The following TMBIM4 variants were observed in gnomAD, a reference collection of about 807,000 sequenced individuals.
TMBIM4 encodes the protein transmembrane BAX inhibitor motif containing 4.
Under a neutral mutation model 27.7 loss-of-function variants are expected in TMBIM4, and 28 were observed. That is an observed-to-expected ratio of 1.01 (90% CI 0.75 to 1.38). TMBIM4 has a LOEUF of 1.38. Ranked by LOEUF, TMBIM4 falls within the 40% of genes most tolerant of loss-of-function variation. The pLI is 0.00. For synonymous variants in TMBIM4, 115 were observed against 113.1 expected, an observed-to-expected ratio of 1.02 and a Z score of -0.11; for missense variants, 265 against 277.5, an observed-to-expected ratio of 0.95 and a Z score of 0.32.
intron 5 of TMBIM4, among the ~76,000 whole-genome samples, chr12:66,139,988 G>T (rs771075098): frequency 6.6e-6 from 1 of 152,054 alleles, no homozygotes; most frequent in Non-Finnish European, 1.5e-5. Flanking sequence ...AGCCTCAAAA[G>T]GTTTACTTTC....
intron 5 of TMBIM4, among the ~76,000 whole-genome samples, chr12:66,142,497 A>C (rs1315543929): frequency 6.6e-6 from 1 of 151,524 alleles, no homozygotes; most frequent in African/African-American, 2.4e-5. Context: ...TACAGTAATA[A>C]CAGTAGTATC....
chr12:66,154,649 G>A (rs1592546779), intron 1 of TMBIM4, among the ~76,000 whole-genome samples: 1 of 152,118 alleles, frequency 6.6e-6, no homozygotes, highest in East Asian at 1.9e-4. Flanking sequence ...TGCCTATCAT[G>A]GCAATGCTCA....
chr12:66,160,477 G>A (rs886657853), intron 1 of TMBIM4, among the ~76,000 whole-genome samples: 1 of 152,170 alleles, frequency 6.6e-6, no homozygotes, highest in Non-Finnish European at 1.5e-5. Flanking sequence ...AGTGGGGATG[G>A]TTAAATAAAT....
chr12:66,149,479 T>G (rs562341992), intron 3 of TMBIM4, among the ~76,000 whole-genome samples: 1 of 150,696 alleles, frequency 6.6e-6, no homozygotes, highest in East Asian at 2.0e-4. Context: ...GAAAGAAATT[T>G]TTTTGGGGGG....
At position 66,152,261 on chromosome 12, in the gene TMBIM4, G is replaced by A. The variant is rs1261631765; in HGVS notation, c.312+10C>T. 1 of 1,515,606 alleles carries A rather than the reference G, an allele frequency of 6.6e-7. No homozygotes were observed. The highest frequency in any genetic ancestry group is 9.0e-7 in the Non-Finnish European group (1 of 1,106,836). 93.9% of individuals were successfully genotyped at this position (1,515,606 alleles called of 1,614,324 possible). On this transcript the variant is annotated intron_variant, in intron 3 of 6. Transcript: ENST00000358230. ...ATTGTTAAGGGAATAGAGAAAGTCA[G>A]AGTACTCACAAATCCAAAAAGTAGG...
intron 3 of TMBIM4, among the ~76,000 whole-genome samples, chr12:66,149,447 AAAAAAAAAAAAAAAAAAG>A (rs921680492): frequency 5.4e-5 from 8 of 149,326 alleles, no homozygotes; most frequent in African/African-American, 2.0e-4. Flanking sequence ...CCTGTCTCAA[AAAAAAAAAAAAAAAAAAG>A]AAAGAAAGAA....
Position 66,152,251 on chromosome 12 carries a change from G to T in TMBIM4, c.312+20C>A. On this transcript the variant is annotated intron_variant, in intron 3 of 6. Transcript: ENST00000358230. ...CTCAGGAATAATTGTTAAGGGAATA[G>T]AGAAAGTCAGAGTACTCACAAATCC... The T allele has an allele frequency of 6.9e-7, 1 of 1,444,540 alleles. No individual in the cohort carries two copies. The allele number at this position is 1,444,540 out of a possible 1,614,324, so 89.5% of individuals were successfully genotyped here.
At chr12:66,169,778 G>T in intron 1 of TMBIM4, 77 bp downstream of exon 1, 1 of 1,176,934 alleles carries the variant, frequency 8.5e-7, no homozygotes, top group South Asian at 1.7e-5. Flanking sequence ...GCTCTCCCTC[G>T]GAAGCCGGAA....
At chr12:66,158,670 T>C (rs1458225516) in intron 1 of TMBIM4, among the ~76,000 whole-genome samples, 2 of 150,410 alleles carry the variant, frequency 1.3e-5, no homozygotes, top group African/African-American at 2.4e-5. Flanking sequence ...ATTCAAACAA[T>C]AGGGCTTTTG....
Position 66,161,448 on chromosome 12 carries a change from A to G in TMBIM4, c.98-8000T>C, listed in dbSNP as rs559343486. On this transcript the variant is annotated intron_variant, in intron 1 of 6. Transcript: ENST00000358230. ...TAGAGACAGGGTTTCACCGTGTTGCATAGGCTAGTCTCGAACTTACGCAAT... is the reference window on the plus strand; with the variant it reads ...TAGAGACAGGGTTTCACCGTGTTGCGTAGGCTAGTCTCGAACTTACGCAAT... 2.0e-5 allele frequency among the ~76,000 whole-genome samples: 3 copies of G among 152,308 alleles called. No individual in the cohort carries two copies. The South Asian group carries it at 6.2e-4, about 32-fold the overall frequency.
intron 1 of TMBIM4, among the ~76,000 whole-genome samples, chr12:66,163,470 G>T (rs2052076325): frequency 6.6e-6 from 1 of 152,140 alleles, no homozygotes; most frequent in African/African-American, 2.4e-5. Flanking sequence ...AATCATGGTG[G>T]AAGGGGAAGC....
At chr12:66,143,207 C>T (rs1224560852) in intron 5 of TMBIM4, among the ~76,000 whole-genome samples, 1 of 152,180 alleles carries the variant, frequency 6.6e-6, no homozygotes, top group Non-Finnish European at 1.5e-5. Context: ...CTCTGACTCA[C>T]ATCTCATTAA....
chr12:66,142,847 GACATTAATTT>G (rs1393895566), intron 5 of TMBIM4, among the ~76,000 whole-genome samples: 18 of 152,104 alleles, frequency 1.2e-4, no homozygotes, highest in Admixed American at 1.2e-3. Context: ...GAGGTCACTG[GACATTAATTT>G]ACTCTTATTC....
chr12:66,145,619 T>C (rs1426335362), intron 5 of TMBIM4, among the ~76,000 whole-genome samples: 1 of 152,080 alleles, frequency 6.6e-6, no homozygotes, highest in Admixed American at 6.6e-5. Context: ...TTTAATTCAC[T>C]TCCCTTTCAC....
chr12:66,158,014 TAGG>T (rs1395869411), intron 1 of TMBIM4, among the ~76,000 whole-genome samples: 3 of 147,746 alleles, frequency 2.0e-5, no homozygotes, highest in African/African-American at 7.5e-5. Context: ...ATCACGAGGT[TAGG>T]AGATCAAGAC....
intron 1 of TMBIM4, among the ~76,000 whole-genome samples, chr12:66,163,303 T>G (rs2052072329): frequency 6.6e-6 from 1 of 152,220 alleles, no homozygotes; most frequent in African/African-American, 2.4e-5. Flanking sequence ...TTAATTACTC[T>G]AATATATCAC....
chr12:66,153,364 G>C lies in TMBIM4; in HGVS notation c.182C>G (p.Ser61Cys). The change falls in exon 2 of 7, where the codon TCT (serine) becomes TGT (cysteine). Residue 61 changes from serine (S) to cysteine (C), a missense_variant. Ser to Cys is a moderately radical substitution (Grantham distance 112). Transcript: ENST00000358230. ...CCTCTCATGTACAAATGTCCGTACA[G>C]ACTCAAAGTATAAAAAAACTGTTGA... ...VTSTVFLYFE[S>C]VRTFVHESPA... 1 of 1,589,872 alleles carries C rather than the reference G, an allele frequency of 6.3e-7. No individual in the cohort carries two copies. The highest frequency in any genetic ancestry group is 1.4e-5 in the African/African-American group (1 of 74,062).
At chr12:66,166,384 G>A (rs1227895666) in intron 1 of TMBIM4, among the ~76,000 whole-genome samples, 1 of 150,162 alleles carries the variant, frequency 6.7e-6, no homozygotes. Context: ...AGGATCACTT[G>A]AGCCTGGGAC....
chr12:66,169,390 G>C (rs2052193550), intron 1 of TMBIM4: 1 of 613,596 alleles, frequency 1.6e-6, no homozygotes, highest in Non-Finnish European at 2.9e-6. Context: ...GGAGCTTCCA[G>C]CCTAGCACAG....
Sources: gnomAD v4.1 joint callset for allele counts (sites outside exome capture counted in the v4.1 genomes callset) on GRCh38, gnomAD v4.1.1 for gene constraint, MANE v1.5 for transcripts, NCBI Gene and HGNC (gene_info 2026-07-23, HGNC 2026-07-21) for gene names.